EYS: variants seen among roughly 807,000 people sequenced by gnomAD.
EYS encodes EGF-like photoreceptor maintenance factor.
In EYS, 250 loss-of-function variants were observed where a neutral mutation model predicts 282.1. That is an observed-to-expected ratio of 0.89 (90% CI 0.80 to 0.98). EYS has a LOEUF of 0.98. Ranked by LOEUF, EYS falls within the 50% of genes least tolerant of loss-of-function variation. EYS has a pLI of 0.00. For missense variants in EYS, 4,016 were observed against 3,709.0 expected, an observed-to-expected ratio of 1.08 and a Z score of -2.15; for synonymous variants, 1,355 against 1,282.9, an observed-to-expected ratio of 1.06 and a Z score of -1.20.
chr6:63,854,929 AC>A (rs750914189), intron 36 of EYS, among the ~76,000 whole-genome samples: 5 of 152,206 alleles, frequency 3.3e-5, no homozygotes, highest in African/African-American at 1.2e-4. Context: ...CATGAAACCC[AC>A]AAAAAATAGA....
chr6:64,483,338 A>G (rs117156517), intron 26 of EYS, among the ~76,000 whole-genome samples: 2,474 of 151,802 alleles, frequency 0.016, 23 homozygotes, highest in South Asian at 0.035. Context: ...GTTAAACAAA[A>G]ATGTGGCTGA....
intron 35 of EYS, among the ~76,000 whole-genome samples, chr6:63,893,506 C>T (rs186792024): frequency 3.3e-5 from 5 of 152,170 alleles, no homozygotes; most frequent in East Asian, 1.9e-4. Flanking sequence ...TGTTCTCACT[C>T]GTGAGTGGGA....
At chr6:64,136,855 A>G (rs1774176431) in intron 31 of EYS, among the ~76,000 whole-genome samples, 1 of 152,154 alleles carries the variant, frequency 6.6e-6, no homozygotes, top group African/African-American at 2.4e-5. Context: ...ATGATAAATG[A>G]GCATTGGCTT....
chr6:64,521,041 A>T (rs185043358), intron 26 of EYS, among the ~76,000 whole-genome samples: 16 of 151,938 alleles, frequency 1.1e-4, no homozygotes, highest in African/African-American at 2.6e-4. Flanking sequence ...CGGACAGGCA[A>T]TATTTATTGA....
chr6:64,614,921 G>C (rs1169737261), intron 24 of EYS, among the ~76,000 whole-genome samples: 1 of 152,082 alleles, frequency 6.6e-6, no homozygotes, highest in Non-Finnish European at 1.5e-5. Context: ...ACTGTGCTCT[G>C]TGCTCTTAGG....
intron 36 of EYS, among the ~76,000 whole-genome samples, chr6:63,818,353 T>A (rs1225473260): frequency 6.6e-6 from 1 of 152,210 alleles, no homozygotes; most frequent in Non-Finnish European, 1.5e-5. Flanking sequence ...TTTTCATAGT[T>A]AAGAATACAT....
At position 65,257,729 on chromosome 6, in the gene EYS, G is replaced by C. The variant is rs1767507782; in HGVS notation, c.2023+38134C>G. Among the ~76,000 whole-genome samples, 2 of 151,852 alleles carry C rather than the reference G, an allele frequency of 1.3e-5. 1 individual carries two copies. Among genetic ancestry groups the C allele is most frequent in the South Asian group, 4.2e-4 (2 of 4,812 alleles). ...TGATACCTCCAGCTTTGTTCTTTTG[G>C]CTTAGGACTGACTTGGCGAAGACAA... On this transcript the variant is annotated intron_variant, in intron 12 of 42. Transcript: ENST00000503581.
chr6:64,950,282 A>G (rs1007536363), intron 14 of EYS, among the ~76,000 whole-genome samples: 4 of 151,988 alleles, frequency 2.6e-5, no homozygotes, highest in African/African-American at 9.7e-5. Flanking sequence ...GACTCAAACA[A>G]AATTACTCCC....
In EYS at chr6:64,832,086, G is replaced by A. The variant is rs550042555; in HGVS notation, c.2993-9264C>T. 1.4e-3 allele frequency among the ~76,000 whole-genome samples: 212 copies of A among 151,762 alleles called. 1 individual carries two copies. Among genetic ancestry groups the A allele is most frequent in the Middle Eastern group, 0.01 (3 of 294 alleles). Reference sequence around the variant, plus strand: ...AGAAGTAACAGTTTATAGATGAGTCGGACTTCTGTTCTAATTAATACATAA... The same window carrying A: ...AGAAGTAACAGTTTATAGATGAGTCAGACTTCTGTTCTAATTAATACATAA... On this transcript the variant is annotated intron_variant, in intron 19 of 42. Transcript: ENST00000503581.
At chr6:64,948,967 A>G (rs375400803) in intron 14 of EYS, among the ~76,000 whole-genome samples, 23 of 151,930 alleles carry the variant, frequency 1.5e-4, no homozygotes, top group African/African-American at 4.6e-4. Flanking sequence ...TAAATGCATA[A>G]ACTATATAGT....
At chr6:64,931,974 T>G (rs1374415006) in intron 15 of EYS, among the ~76,000 whole-genome samples, 3 of 152,136 alleles carry the variant, frequency 2.0e-5, no homozygotes, top group Non-Finnish European at 4.4e-5. Context: ...GAGGAAGAAC[T>G]AGTCAAACAT....
chr6:64,611,213 C>T (rs1767105783), intron 24 of EYS, among the ~76,000 whole-genome samples: 1 of 152,074 alleles, frequency 6.6e-6, no homozygotes, highest in Admixed American at 6.6e-5. Flanking sequence ...AGCCTTATTT[C>T]TTATGGCTAT....
intron 23 of EYS, among the ~76,000 whole-genome samples, chr6:64,623,784 T>C (rs907319915): frequency 6.6e-6 from 1 of 152,136 alleles, no homozygotes; most frequent in African/African-American, 2.4e-5. Context: ...TACACAACTT[T>C]ATGCATTTAC....
At chr6:64,821,533 TA>T in intron 21 of EYS, 111 bp downstream of exon 21, 2 of 568,268 alleles carry the variant, frequency 3.5e-6, no homozygotes, top group Non-Finnish European at 6.2e-6. Flanking sequence ...AGAGAACAGT[TA>T]AATCATCAAC....
intron 5 of EYS, among the ~76,000 whole-genome samples, chr6:65,440,711 G>T (rs956687001): frequency 1.3e-5 from 2 of 150,982 alleles, no homozygotes; most frequent in African/African-American, 4.9e-5. Flanking sequence ...GAAGGTGTTT[G>T]GGATGTAGCA....
chr6:64,741,370 T>G (rs989632721), intron 22 of EYS, among the ~76,000 whole-genome samples: 1 of 152,206 alleles, frequency 6.6e-6, no homozygotes, highest in Non-Finnish European at 1.5e-5. Flanking sequence ...ATCCACGCTT[T>G]GTTCCATTCA....
At chr6:65,499,630 C>T (rs1766377948) in intron 2 of EYS, among the ~76,000 whole-genome samples, 1 of 151,894 alleles carries the variant, frequency 6.6e-6, no homozygotes, top group Admixed American at 6.6e-5. Flanking sequence ...ATAATTTATG[C>T]CTGTGCTCTA....
intron 22 of EYS, among the ~76,000 whole-genome samples, chr6:64,771,482 G>A (rs755556047): frequency 2.0e-5 from 3 of 151,336 alleles, no homozygotes; most frequent in Non-Finnish European, 3.0e-5. Context: ...TAGCTTACTT[G>A]CTTTAATTTA....
chr6:63,798,987 G>GTATATGTGTA, intron 37 of EYS, among the ~76,000 whole-genome samples: 1 of 85,754 alleles, frequency 1.2e-5, no homozygotes, highest in East Asian at 3.5e-4. Context: ...GTATATGTGT[G>GTATATGTGTA]TATATATATA....
Sources: gnomAD v4.1 joint callset for allele counts (sites outside exome capture counted in the v4.1 genomes callset) on GRCh38, gnomAD v4.1.1 for gene constraint, MANE v1.5 for transcripts, NCBI Gene and HGNC (gene_info 2026-07-23, HGNC 2026-07-21) for gene names.